Variants in DTNA observed in about 807,000 individuals in gnomAD.
DTNA encodes dystrobrevin alpha.
Under a neutral mutation model 100.7 loss-of-function variants are expected in DTNA, and 43 were observed. The ratio of observed to expected loss-of-function variants is 0.43; its 90% CI spans 0.33 to 0.55. The LOEUF (loss-of-function observed/expected upper bound fraction) is 0.55, where lower values mean the gene tolerates loss of function less well. Among genes scored for constraint, DTNA ranks in the 20% least tolerant of loss-of-function variants. DTNA has a pLI of 0.04. For synonymous variants in DTNA, 349 were observed against 347.9 expected, an observed-to-expected ratio of 1.00 and a Z score of -0.04; for missense variants, 798 against 953.9, an observed-to-expected ratio of 0.84 and a Z score of 2.15.
At chr18:34,648,488 G>A (rs1353405709) in intron 1 of DTNA, among the ~76,000 whole-genome samples, 3 of 152,194 alleles carry the variant, frequency 2.0e-5, no homozygotes, top group East Asian at 1.9e-4. Flanking sequence ...GCAGATAGAC[G>A]GATTTGAAAT....
At chr18:34,508,255 G>A (rs2040690903) in intron 1 of DTNA, among the ~76,000 whole-genome samples, 1 of 152,182 alleles carries the variant, frequency 6.6e-6, no homozygotes, top group African/African-American at 2.4e-5. Context: ...GAGTGGGGGT[G>A]TCTCTGCATT....
intron 10 of DTNA, among the ~76,000 whole-genome samples, chr18:34,828,279 G>C (rs2095908694): frequency 6.6e-6 from 1 of 152,152 alleles, no homozygotes; most frequent in African/African-American, 2.4e-5. Context: ...ATTTCTCTAA[G>C]AGTTAGCATC....
At chr18:34,730,851 G>T (rs942576561) in intron 1 of DTNA, among the ~76,000 whole-genome samples, 3 of 152,172 alleles carry the variant, frequency 2.0e-5, no homozygotes, top group Non-Finnish European at 4.4e-5. Flanking sequence ...ACTCATGTTG[G>T]TGTGTCCAGT....
At chr18:34,692,746 A>T (rs1600295551) in intron 1 of DTNA, among the ~76,000 whole-genome samples, 2 of 152,214 alleles carry the variant, frequency 1.3e-5, no homozygotes, top group African/African-American at 4.8e-5. Flanking sequence ...GTTGATGTGC[A>T]CATAAGCCTG....
chr18:34,586,106 T>G (rs759526630), intron 1 of DTNA, among the ~76,000 whole-genome samples: 3 of 152,232 alleles, frequency 2.0e-5, no homozygotes, highest in Non-Finnish European at 4.4e-5. Context: ...TATGTTTCAG[T>G]GAACTATTTC....
chr18:34,732,693 C>T (rs1189377392), intron 1 of DTNA, among the ~76,000 whole-genome samples: 1 of 152,186 alleles, frequency 6.6e-6, no homozygotes, highest in African/African-American at 2.4e-5. Context: ...TTAAATCACA[C>T]AACAAATATT....
chr18:34,671,107 C>T (rs1197736767), intron 1 of DTNA, among the ~76,000 whole-genome samples: 1 of 152,204 alleles, frequency 6.6e-6, no homozygotes. Flanking sequence ...TGTTTACCTA[C>T]TCAAGCCTCA....
intron 1 of DTNA, chr18:34,662,846 C>G (rs1051864467): frequency 6.6e-5 from 10 of 152,176 alleles, no homozygotes; most frequent in Non-Finnish European, 1.3e-4. Flanking sequence ...ATATGCCCTT[C>G]CTTTTAGGAC....
intron 1 of DTNA, among the ~76,000 whole-genome samples, chr18:34,663,596 A>AT (rs377008599): frequency 0.018 from 2,707 of 149,958 alleles, 80 homozygotes; most frequent in African/African-American, 0.061. Flanking sequence ...TTCATAGAAC[A>AT]TTTTTTTTTT....
At chr18:34,592,467 AACACACACACACACACAC>A (rs3078085) in intron 1 of DTNA, among the ~76,000 whole-genome samples, 5 of 139,436 alleles carry the variant, frequency 3.6e-5, no homozygotes, top group Non-Finnish European at 7.7e-5. Context: ...ACACTTGTAT[AACACACACACACACACAC>A]ACACACACAC....
At chr18:34,636,700 C>T (rs1190787282) in intron 1 of DTNA, among the ~76,000 whole-genome samples, 2 of 152,148 alleles carry the variant, frequency 1.3e-5, no homozygotes, top group African/African-American at 4.8e-5. Context: ...ATGGATCACC[C>T]TTTGAGGAAC....
upstream of DTNA, among the ~76,000 whole-genome samples, chr18:34,707,930 C>CA (rs2082319110): frequency 6.6e-6 from 1 of 152,164 alleles, no homozygotes; most frequent in Admixed American, 6.5e-5. Context: ...GGAGCAGTGC[C>CA]AAAGCTATTT....
rs541156878 is a variant in DTNA, at chr18:34,719,335, C to T, written c.-2+8890C>T. On this transcript the variant is annotated intron_variant, in intron 1 of 22. Transcript: ENST00000444659. ...TTCTAGCCTGGGTGACAGAGTGAGA[C>T]TTCATCTCAAAAAATAAAAAAATAA... Among the ~76,000 whole-genome samples the T allele has an allele frequency of 4.9e-4, 74 of 149,636 alleles. 1 individual carries two copies. The highest frequency in any genetic ancestry group is 2.2e-3 in the Admixed American group (33 of 15,146).
intron 1 of DTNA, among the ~76,000 whole-genome samples, chr18:34,725,767 T>C (rs980122790): frequency 6.6e-6 from 1 of 152,188 alleles, no homozygotes; most frequent in Admixed American, 6.5e-5. Context: ...CAAAGGATTA[T>C]AAATCATTCT....
At chr18:34,500,690 C>T (rs1205751291) in intron 1 of DTNA, among the ~76,000 whole-genome samples, 1 of 151,972 alleles carries the variant, frequency 6.6e-6, no homozygotes, top group Non-Finnish European at 1.5e-5. Flanking sequence ...TCACGAACTC[C>T]TGACCTCAGG....
chr18:34,685,411 CTTGT>C (rs2078742912), intron 1 of DTNA, among the ~76,000 whole-genome samples: 1 of 152,138 alleles, frequency 6.6e-6, no homozygotes, highest in Non-Finnish European at 1.5e-5. Flanking sequence ...TTCCCCATTG[CTTGT>C]TTGTGTCAGG....
At chr18:34,785,162 C>G (rs564038184) in intron 3 of DTNA, among the ~76,000 whole-genome samples, 111 of 152,240 alleles carry the variant, frequency 7.3e-4, no homozygotes, top group African/African-American at 2.6e-3. Flanking sequence ...ATCCGCCCTC[C>G]TCAGCCTCCC....
chr18:34,533,946 A>C (rs1189376838), intron 1 of DTNA, among the ~76,000 whole-genome samples: 4 of 152,110 alleles, frequency 2.6e-5, no homozygotes, highest in Non-Finnish European at 5.9e-5. Flanking sequence ...GGCTTTGAGA[A>C]ATGAATGAAT....
At chr18:34,716,156 C>T (rs1188095481) in intron 1 of DTNA, among the ~76,000 whole-genome samples, 1 of 152,148 alleles carries the variant, frequency 6.6e-6, no homozygotes, top group Non-Finnish European at 1.5e-5. Flanking sequence ...AATAAATAGT[C>T]TAACGTATTT....
Sources: gnomAD v4.1 joint callset for allele counts (sites outside exome capture counted in the v4.1 genomes callset) on GRCh38, gnomAD v4.1.1 for gene constraint, MANE v1.5 for transcripts, NCBI Gene and HGNC (gene_info 2026-07-23, HGNC 2026-07-21) for gene names.